The following OTUD7A variants were observed in gnomAD, a reference collection of about 807,000 sequenced individuals.
OTUD7A encodes the protein OTU deubiquitinase 7A, also known as OTU domain-containing protein 7A.
In OTUD7A, 12 loss-of-function variants were observed where a neutral mutation model predicts 65.7. The observed-to-expected ratio is 0.18, with a 90% CI of 0.12 to 0.30. OTUD7A has a LOEUF of 0.30. Among genes scored for constraint, OTUD7A ranks in the 10% least tolerant of loss-of-function variants. OTUD7A has a pLI of 1.00. For synonymous variants in OTUD7A, 641 were observed against 586.3 expected, an observed-to-expected ratio of 1.09 and a Z score of -1.35; for missense variants, 1,148 against 1,304.8, an observed-to-expected ratio of 0.88 and a Z score of 1.85.
chr15:31,529,051 C>T (rs1043567305), intron 6 of OTUD7A, among the ~76,000 whole-genome samples: 51 of 152,210 alleles, frequency 3.4e-4, no homozygotes, highest in African/African-American at 1.1e-3. Context: ...CTGGGAGGCC[C>T]ACTGTGCTCA....
rs146396058 is a variant in OTUD7A, at chr15:31,567,426, A to G, written c.331+2592T>C. On this transcript the variant is annotated intron_variant, in intron 4 of 12. Transcript: ENST00000307050. The stretch of plus-strand genomic sequence containing the variant: ...CAGTCTGCATTCAGATGCTGCAGCA[A>G]AGATAGGAGTTGGAACTTATATTTA... 3.3e-5 allele frequency among the ~76,000 whole-genome samples: 5 copies of G among 152,372 alleles called. No homozygotes were observed. The East Asian group carries it at 9.7e-4, about 29-fold the overall frequency.
At chr15:31,545,021 A>G (rs1394457294) in intron 5 of OTUD7A, among the ~76,000 whole-genome samples, 1 of 152,064 alleles carries the variant, frequency 6.6e-6, no homozygotes, top group African/African-American at 2.4e-5. Flanking sequence ...ATTAAGCAAC[A>G]TATTTCTAAG....
At chr15:31,526,492 G>T (rs755103110) in intron 7 of OTUD7A, 31 bp from the exon 8 acceptor site, 2 of 1,512,110 alleles carry the variant, frequency 1.3e-6, no homozygotes, top group African/African-American at 1.4e-5. Flanking sequence ...CAGAAGGGGG[G>T]TGGGCCACAG....
intron 1 of OTUD7A, among the ~76,000 whole-genome samples, chr15:31,830,134 G>A (rs541915522): frequency 6.6e-6 from 1 of 152,244 alleles, no homozygotes; most frequent in South Asian, 2.1e-4. Context: ...CCTGTTTCTT[G>A]TTCAAACTTG....
chr15:31,737,764 C>T (rs569686099), intron 1 of OTUD7A, among the ~76,000 whole-genome samples: 34 of 152,232 alleles, frequency 2.2e-4, no homozygotes, highest in African/African-American at 7.5e-4. Context: ...TGTGTTCATA[C>T]GGGACTATCA....
intron 3 of OTUD7A, among the ~76,000 whole-genome samples, chr15:31,580,983 T>G (rs1426324241): frequency 2.0e-5 from 3 of 152,056 alleles, no homozygotes; most frequent in South Asian, 4.2e-4. Flanking sequence ...CAGTCCAAAG[T>G]CTCGAGGCAA....
chr15:31,780,844 A>G (rs1381122319), intron 1 of OTUD7A, among the ~76,000 whole-genome samples: 1 of 152,200 alleles, frequency 6.6e-6, no homozygotes, highest in Non-Finnish European at 1.5e-5. Flanking sequence ...CTGCCATTCA[A>G]TGTCTTGCAT....
intron 5 of OTUD7A, among the ~76,000 whole-genome samples, chr15:31,548,981 T>C (rs987151595): frequency 6.6e-6 from 1 of 151,564 alleles, no homozygotes; most frequent in Non-Finnish European, 1.5e-5. Context: ...ACCAAAAATA[T>C]AAAAATTAGC....
chr15:31,593,076 A>G (rs1269395695), intron 3 of OTUD7A, among the ~76,000 whole-genome samples: 1 of 151,406 alleles, frequency 6.6e-6, no homozygotes, highest in Non-Finnish European at 1.5e-5. Flanking sequence ...TGTACTGTAC[A>G]TAGTTGTATG....
chr15:31,582,314 T>C (rs886402889), intron 3 of OTUD7A, among the ~76,000 whole-genome samples: 4 of 152,242 alleles, frequency 2.6e-5, no homozygotes, highest in African/African-American at 9.6e-5. Flanking sequence ...CACATTTTCC[T>C]GTCTTCTTCT....
intron 1 of OTUD7A, among the ~76,000 whole-genome samples, chr15:31,809,194 T>C (rs1896358074): frequency 6.6e-6 from 1 of 152,216 alleles, no homozygotes; most frequent in Non-Finnish European, 1.5e-5. Flanking sequence ...GCTACTATTT[T>C]TAAGGAACAC....
rs144152845 is a variant in OTUD7A at position 31,808,134 on chromosome 15, C to A, written c.-100+62373G>T. On this transcript the variant is annotated intron_variant, in intron 1 of 12. Transcript: ENST00000307050. ...ACACACACACACACACACACACACA[C>A]ACAAACAAATCCTCACCAGGTTTTT... Among the ~76,000 whole-genome samples the A allele has an allele frequency of 2.5e-4, 24 of 95,800 alleles. No homozygotes were observed. In the East Asian group the frequency reaches 5.0e-3, roughly 20 times the overall value. 62.8% of individuals were successfully genotyped at this position (95,800 alleles called of 152,430 possible).
chr15:31,509,444 A>AT (rs1041560219), intron 8 of OTUD7A, among the ~76,000 whole-genome samples: 19 of 151,134 alleles, frequency 1.3e-4, no homozygotes, highest in Admixed American at 4.0e-4. Context: ...ATGCCCGGCT[A>AT]TTTTTTTTGT....
chr15:31,688,021 T>A (rs1892877116), intron 1 of OTUD7A, among the ~76,000 whole-genome samples: 1 of 152,066 alleles, frequency 6.6e-6, no homozygotes, highest in South Asian at 2.1e-4. Context: ...ATTGAGACCA[T>A]CCTAGCCAAC....
intron 1 of OTUD7A, among the ~76,000 whole-genome samples, chr15:31,694,450 CT>C (rs939269148): frequency 4.9e-4 from 75 of 152,230 alleles, no homozygotes; most frequent in African/African-American, 1.7e-3. Context: ...AACCAAAAAA[CT>C]TTTTGTAACA....
chr15:31,660,902 T>C (rs187847436), intron 1 of OTUD7A, among the ~76,000 whole-genome samples: 1 of 152,248 alleles, frequency 6.6e-6, no homozygotes, highest in Non-Finnish European at 1.5e-5. Context: ...TGGGCAGTGC[T>C]GGGACACACC....
chr15:31,668,789 G>C lies in OTUD7A; in HGVS notation c.-99-11712C>G, dbSNP rs551515989. Among the ~76,000 whole-genome samples, 4 of 152,340 alleles carry C rather than the reference G, an allele frequency of 2.6e-5. No homozygotes were observed. In the South Asian group the frequency reaches 8.3e-4, roughly 32 times the overall value. On this transcript the variant is annotated intron_variant, in intron 1 of 12. Coordinates refer to ENST00000307050, the MANE Select transcript of OTUD7A (RefSeq NM_001382637.1). ...TCTCATTTGGGTAAGCTCTGTCAGA[G>C]GGAAGGTCTAGGGCTGCAGGCTGTT...
chr15:31,564,767 C>T (rs961537340), intron 4 of OTUD7A, among the ~76,000 whole-genome samples: 1 of 151,884 alleles, frequency 6.6e-6, no homozygotes, highest in Admixed American at 6.6e-5. Context: ...AAAATGAAAC[C>T]TAATAATAAA....
At chr15:31,765,885 T>G in intron 1 of OTUD7A, 2 of 1,279,610 alleles carry the variant, frequency 1.6e-6, no homozygotes, top group Non-Finnish European at 2.3e-6. Context: ...CTTCTGAAAC[T>G]ATTTTAGTTT....
Sources: gnomAD v4.1 joint callset for allele counts (sites outside exome capture counted in the v4.1 genomes callset) on GRCh38, gnomAD v4.1.1 for gene constraint, MANE v1.5 for transcripts, NCBI Gene and HGNC (gene_info 2026-07-23, HGNC 2026-07-21) for gene names.